Variants in PCCA observed in about 807,000 individuals in gnomAD.
The protein encoded by PCCA is propionyl-CoA carboxylase subunit alpha.
In PCCA, 74 loss-of-function variants were observed where a neutral mutation model predicts 101.3. The observed-to-expected ratio is 0.73, with a 90% CI of 0.61 to 0.89. The LOEUF (loss-of-function observed/expected upper bound fraction) is 0.89. PCCA is among the 40% of genes least tolerant of loss of function. PCCA has a pLI of 0.00. For missense variants in PCCA, 891 were observed against 907.0 expected, an observed-to-expected ratio of 0.98 and a Z score of 0.23; for synonymous variants, 294 against 313.6, an observed-to-expected ratio of 0.94 and a Z score of 0.66.
rs765771203 is a variant in PCCA at position 100,515,480 on chromosome 13, G to A, written c.1953G>A (p.Leu651=). The change falls in exon 22 of 24, where the codon CTG becomes CTA. Residue 651 remains leucine, a synonymous_variant. Coordinates refer to ENST00000376285, the MANE Select transcript of PCCA (RefSeq NM_000282.4). ...CCGCAGAATTGAACAAATTTATGCT[G>A]GAAAAAGTGACTGAGGACACAAGCA... is the stretch of plus-strand genomic sequence containing the variant. ...RLAAELNKFM[L]EKVTEDTSSV... The A allele has an allele frequency of 8.1e-6, 13 of 1,613,988 alleles. No individual in the cohort carries two copies. In the East Asian group the frequency reaches 2.2e-4, roughly 28 times the overall value.
At chr13:100,334,524 G>T (rs2070132845) in intron 17 of PCCA, among the ~76,000 whole-genome samples, 1 of 152,186 alleles carries the variant, frequency 6.6e-6, no homozygotes, top group South Asian at 2.1e-4. Context: ...AGCTGCTGTT[G>T]TAGGAGGCAG....
intron 1 of PCCA, among the ~76,000 whole-genome samples, chr13:100,090,981 TTCTAACAAACA>T (rs2046228729): frequency 2.4e-5 from 1 of 41,518 alleles, no homozygotes; most frequent in Non-Finnish European, 4.4e-5. Flanking sequence ...AAGTGACCTT[TTCTAACAAACA>T]GAGATGAATG....
intron 12 of PCCA, among the ~76,000 whole-genome samples, chr13:100,276,212 C>CAAA (rs2063644793): frequency 7.1e-5 from 1 of 14,134 alleles, no homozygotes; most frequent in Non-Finnish European, 1.4e-4. Context: ...CTTGTCTGTA[C>CAAA]CAAAAAAAAA....
intron 19 of PCCA, among the ~76,000 whole-genome samples, chr13:100,423,478 G>A (rs941208915): frequency 6.6e-6 from 1 of 152,344 alleles, no homozygotes; most frequent in Admixed American, 6.5e-5. Context: ...GAGAAGGCCT[G>A]TGATGGCTTT....
At chr13:100,348,787 T>TCTTTCTTCCTTCCTTCCTTCCTTCCTTC (rs1298483783) in intron 18 of PCCA, among the ~76,000 whole-genome samples, 4 of 46,648 alleles carry the variant, frequency 8.6e-5, no homozygotes, top group Non-Finnish European at 1.8e-4. Flanking sequence ...TTTCTTTCTT[T>TCTTTCTTCCTTCCTTCCTTCCTTCCTTC]CTTCCTTCCT....
At chr13:100,114,209 T>C (rs954499137) in intron 4 of PCCA, among the ~76,000 whole-genome samples, 4 of 152,068 alleles carry the variant, frequency 2.6e-5, no homozygotes, top group African/African-American at 9.7e-5. Context: ...ACCCATCTGA[T>C]GAGGGATTAG....
At chr13:100,270,389 C>A (rs1010529236) in intron 11 of PCCA, among the ~76,000 whole-genome samples, 1 of 152,168 alleles carries the variant, frequency 6.6e-6, no homozygotes, top group Non-Finnish European at 1.5e-5. Flanking sequence ...ACATGTCTTG[C>A]AATTTTCTGT....
intron 6 of PCCA, among the ~76,000 whole-genome samples, chr13:100,175,592 A>G (rs1467030026): frequency 6.6e-6 from 1 of 152,184 alleles, no homozygotes; most frequent in Non-Finnish European, 1.5e-5. Context: ...TAGTGGTGGC[A>G]AGTCCAGGTT....
chr13:100,356,908 G>T (rs1343842872), intron 18 of PCCA, among the ~76,000 whole-genome samples: 1 of 152,146 alleles, frequency 6.6e-6, no homozygotes, highest in African/African-American at 2.4e-5. Context: ...ATGAGCTATT[G>T]ATATTTTCTG....
At chr13:100,465,063 C>T (rs6491564) in intron 21 of PCCA, among the ~76,000 whole-genome samples, 17,594 of 152,138 alleles carry the variant, frequency 0.12, 1,807 homozygotes, top group African/African-American at 0.28. Context: ...GGCAGCTCTT[C>T]TCTTATAGAA....
chr13:100,206,660 G>A (rs115116031), intron 6 of PCCA, among the ~76,000 whole-genome samples: 220 of 152,224 alleles, frequency 1.4e-3, no homozygotes, highest in African/African-American at 5.1e-3. Context: ...ATGGGGTTTA[G>A]GACATGCTAC....
chr13:100,308,472 G>A (rs1268109272), intron 15 of PCCA, among the ~76,000 whole-genome samples: 7 of 152,044 alleles, frequency 4.6e-5, no homozygotes, highest in Admixed American at 3.9e-4. Context: ...CTACAGGTGT[G>A]TACTACCATG....
intron 10 of PCCA, among the ~76,000 whole-genome samples, chr13:100,266,492 A>G (rs2062942520): frequency 6.6e-6 from 1 of 152,156 alleles, no homozygotes; most frequent in Non-Finnish European, 1.5e-5. Context: ...TCACTTATTT[A>G]TATTAAGTAA....
At chr13:100,305,983 C>A in intron 14 of PCCA, 1 of 246,108 alleles carries the variant, frequency 4.1e-6, no homozygotes, top group Non-Finnish European at 8.1e-6. Context: ...TACAACCTTA[C>A]AAAGAGAATA....
intron 18 of PCCA, among the ~76,000 whole-genome samples, chr13:100,367,549 CATA>C (rs1259531874): frequency 1.3e-5 from 2 of 150,506 alleles, no homozygotes; most frequent in African/African-American, 2.5e-5. Flanking sequence ...TATATAATAA[CATA>C]ATAAGTGGGT....
chr13:100,515,575 C>T lies in PCCA; in HGVS notation c.2040+8C>T, dbSNP rs2086775141. 6.2e-7 allele frequency: 1 copy of T among 1,612,928 alleles called. No homozygotes were observed. Among genetic ancestry groups the T allele is most frequent in the African/African-American group, 1.3e-5 (1 of 74,916 alleles). ...GTCAAGCCTGGAGACGCGGTAAGGGCTGTGTGTGTCTCTCTGCAGGACATG... is the reference window on the plus strand; with the variant it reads ...GTCAAGCCTGGAGACGCGGTAAGGGTTGTGTGTGTCTCTCTGCAGGACATG... On this transcript the variant is annotated splice_region_variant and intron_variant, in intron 22 of 23. Transcript: ENST00000376285.
At chr13:100,454,034 C>G (rs898534062) in intron 21 of PCCA, among the ~76,000 whole-genome samples, 15 of 152,006 alleles carry the variant, frequency 9.9e-5, no homozygotes, top group Non-Finnish European at 1.8e-4. Flanking sequence ...CTACACCCGG[C>G]TAATTTTTTT....
At chr13:100,385,367 A>C (rs1429466611) in intron 19 of PCCA, among the ~76,000 whole-genome samples, 1 of 152,228 alleles carries the variant, frequency 6.6e-6, no homozygotes, top group Non-Finnish European at 1.5e-5. Context: ...GAAAATTTGC[A>C]GTTCATTTTA....
At chr13:100,507,309 G>A (rs535211018) in intron 21 of PCCA, among the ~76,000 whole-genome samples, 1 of 152,274 alleles carries the variant, frequency 6.6e-6, no homozygotes, top group African/African-American at 2.4e-5. Flanking sequence ...CAGCTTGGGG[G>A]CACTTGGGCC....
Sources: gnomAD v4.1 joint callset for allele counts (sites outside exome capture counted in the v4.1 genomes callset) on GRCh38, gnomAD v4.1.1 for gene constraint, MANE v1.5 for transcripts, NCBI Gene and HGNC (gene_info 2026-07-23, HGNC 2026-07-21) for gene names.